Variants in MSRA observed in about 807,000 individuals in gnomAD.
MSRA encodes the protein methionine sulfoxide reductase A.
A neutral mutation model predicts 31.3 loss-of-function variants in MSRA; 54 were observed. The ratio of observed to expected loss-of-function variants is 1.73; its 90% CI spans 1.39 to 2.17. The LOEUF is 2.17. MSRA is among the 30% of genes most tolerant of loss of function. The pLI, the probability that MSRA is intolerant of heterozygous loss-of-function variation, is 0.00. For missense variants in MSRA, 507 were observed against 300.9 expected (o/e 1.69, Z -5.07); for synonymous variants, 169 against 116.5 (o/e 1.45, Z -2.90).
At chr8:10,193,052 A>G (rs995219253) in intron 1 of MSRA, among the ~76,000 whole-genome samples, 9 of 152,234 alleles carry the variant, frequency 5.9e-5, no homozygotes, top group African/African-American at 2.2e-4. Context: ...AGAGATTACT[A>G]TAATTTAGTC....
chr8:10,064,457 C>G (rs905765798), intron 1 of MSRA, among the ~76,000 whole-genome samples: 1 of 151,984 alleles, frequency 6.6e-6, no homozygotes, highest in African/African-American at 2.4e-5. Flanking sequence ...GGGTATATTC[C>G]TAATCCACTA....
intron 1 of MSRA, among the ~76,000 whole-genome samples, chr8:10,092,875 T>C (rs1244897749): frequency 1.3e-5 from 2 of 152,196 alleles, no homozygotes; most frequent in Non-Finnish European, 2.9e-5. Flanking sequence ...GCTCTGTTCT[T>C]ATGTATGTTT....
At chr8:10,196,002 A>G (rs1807940501) in intron 1 of MSRA, among the ~76,000 whole-genome samples, 1 of 152,206 alleles carries the variant, frequency 6.6e-6, no homozygotes, top group Non-Finnish European at 1.5e-5. Flanking sequence ...TGGGCCCATC[A>G]GGCTCAGCTG....
chr8:10,278,835 T>C (rs539607161), intron 3 of MSRA, among the ~76,000 whole-genome samples: 1 of 152,364 alleles, frequency 6.6e-6, no homozygotes, highest in Non-Finnish European at 1.5e-5. Context: ...CCTGGGCATC[T>C]CTACATTCCC....
At chr8:10,225,302 C>T (rs1015263102) in intron 2 of MSRA, among the ~76,000 whole-genome samples, 3 of 152,140 alleles carry the variant, frequency 2.0e-5, no homozygotes, top group African/African-American at 7.2e-5. Flanking sequence ...CCCCCTCAAC[C>T]CTTCTTTGTG....
At chr8:10,361,853 G>T (rs926525310) in intron 5 of MSRA, among the ~76,000 whole-genome samples, 1 of 151,996 alleles carries the variant, frequency 6.6e-6, no homozygotes, top group African/African-American at 2.4e-5. Context: ...TTTTGACATC[G>T]TACTGTCATC....
At chr8:10,242,908 C>A (rs1797411206) in intron 2 of MSRA, among the ~76,000 whole-genome samples, 1 of 152,232 alleles carries the variant, frequency 6.6e-6, no homozygotes, top group Non-Finnish European at 1.5e-5. Flanking sequence ...GACGCTGTTT[C>A]AGCCACACGT....
At chr8:10,194,901 T>G (rs1807842682) in intron 1 of MSRA, among the ~76,000 whole-genome samples, 1 of 152,226 alleles carries the variant, frequency 6.6e-6, no homozygotes, top group Admixed American at 6.5e-5. Flanking sequence ...GTTTAAAATA[T>G]TTTTTATTTC....
Position 10,079,198 on chromosome 8 carries a change from G to T in MSRA, c.142+24540G>T, listed in dbSNP as rs1315962249. Among the ~76,000 whole-genome samples, 3 of 152,166 alleles carry T rather than the reference G, an allele frequency of 2.0e-5. No individual in the cohort carries two copies. In the East Asian group the frequency reaches 5.8e-4, roughly 29 times the overall value. On this transcript the variant is annotated intron_variant, in intron 1 of 5. Transcript: ENST00000317173. ...TTTTTAGGCAGGGTCTCACTTTGTG[G>T]GCCAGGCTGGAGTGCAGTGGCAGGA...
At chr8:10,108,495 A>G (rs1800046789) in intron 1 of MSRA, among the ~76,000 whole-genome samples, 2 of 152,168 alleles carry the variant, frequency 1.3e-5, no homozygotes, top group South Asian at 4.1e-4. Flanking sequence ...TCTTCCACAA[A>G]GACTTTTTTT....
At chr8:10,305,744 G>C (rs554647373) in intron 4 of MSRA, among the ~76,000 whole-genome samples, 8 of 152,270 alleles carry the variant, frequency 5.3e-5, no homozygotes, top group African/African-American at 1.9e-4. Flanking sequence ...AGGGAGCAAA[G>C]CTGGTAAGTG....
intron 1 of MSRA, among the ~76,000 whole-genome samples, chr8:10,190,290 T>G (rs1289263895): frequency 6.6e-6 from 1 of 152,156 alleles, no homozygotes; most frequent in Non-Finnish European, 1.5e-5. Flanking sequence ...GTGGTAATGT[T>G]TCTGCAGCCC....
chr8:10,373,206 A>G (rs905245968), intron 5 of MSRA, among the ~76,000 whole-genome samples: 1 of 152,196 alleles, frequency 6.6e-6, no homozygotes, highest in East Asian at 1.9e-4. Context: ...GTGATTATTT[A>G]CCAGCGAAAT....
chr8:10,196,701 C>T (rs1808020415), intron 1 of MSRA, among the ~76,000 whole-genome samples: 2 of 152,004 alleles, frequency 1.3e-5, no homozygotes, highest in Non-Finnish European at 1.5e-5. Flanking sequence ...AGGGATGCAC[C>T]ACCATGCCCG....
chr8:10,162,106 T>G (rs1056132385), intron 1 of MSRA, among the ~76,000 whole-genome samples: 10 of 151,908 alleles, frequency 6.6e-5, no homozygotes, highest in East Asian at 1.9e-4. Flanking sequence ...GGGAGGTGAT[T>G]AGAGAGAATA....
intron 1 of MSRA, among the ~76,000 whole-genome samples, chr8:10,200,995 G>T (rs1477373864): frequency 6.6e-6 from 1 of 152,100 alleles, no homozygotes; most frequent in African/African-American, 2.4e-5. Flanking sequence ...AGGGCTTGTG[G>T]GCCACATAGG....
intron 1 of MSRA, among the ~76,000 whole-genome samples, chr8:10,100,082 T>G (rs1479315450): frequency 2.6e-5 from 4 of 152,168 alleles, no homozygotes; most frequent in African/African-American, 9.7e-5. Context: ...GCTGCAGCAC[T>G]AGGGGCCTTT....
At position 10,428,590 on chromosome 8, in the gene MSRA, C is replaced by T. The variant is rs1809349875; in HGVS notation, c.*278C>T. The T allele has an allele frequency of 5.1e-6, 2 of 390,288 alleles. No homozygotes were observed. The highest frequency in any genetic ancestry group is 5.0e-5 in the South Asian group (2 of 40,068). The allele number at this position is 390,288 out of a possible 1,614,324, so 24.2% of individuals were successfully genotyped here. On this transcript the variant is annotated 3_prime_UTR_variant, in exon 6 of 6. Transcript: ENST00000317173. The stretch of plus-strand genomic sequence containing the variant: ...TAGCAGGGATGCTGTGTTCACCCTT[C>T]TTGGTAGAAGCTAAGGTGTGAGCTG...
At chr8:10,181,701 G>A (rs1223501042) in intron 1 of MSRA, among the ~76,000 whole-genome samples, 3 of 152,164 alleles carry the variant, frequency 2.0e-5, no homozygotes, top group Admixed American at 6.5e-5. Context: ...GGAAATAGAT[G>A]AACTTGCTGG....
Sources: gnomAD v4.1 joint callset for allele counts (sites outside exome capture counted in the v4.1 genomes callset) on GRCh38, gnomAD v4.1.1 for gene constraint, MANE v1.5 for transcripts, NCBI Gene and HGNC (gene_info 2026-07-23, HGNC 2026-07-21) for gene names.